FAH: variants seen among roughly 807,000 people sequenced by gnomAD.
FAH encodes the protein fumarylacetoacetase.
In FAH, 47 loss-of-function variants were observed where a neutral mutation model predicts 55.8. The observed-to-expected ratio is 0.84, with a 90% confidence interval of 0.67 to 1.07. The LOEUF is 1.07. Among genes scored for constraint, FAH ranks in the 50% least tolerant of loss-of-function variants. The pLI is 0.00. For missense variants in FAH, 495 were observed against 545.9 expected, an observed-to-expected ratio of 0.91 and a Z score of 0.93; for synonymous variants, 199 against 207.7, an observed-to-expected ratio of 0.96 and a Z score of 0.36.
intron 2 of FAH, 75 bp downstream of exon 2, chr15:80,158,245 G>A (rs992165721): frequency 9.7e-7 from 1 of 1,030,102 alleles, no homozygotes; most frequent in African/African-American, 1.6e-5. Flanking sequence ...AATGCTCCTT[G>A]CGTTCCATTT....
chr15:80,177,402 G>C (rs944328989), intron 10 of FAH, 135 bp from the exon 11 acceptor site: 3 of 821,146 alleles, frequency 3.7e-6, no homozygotes, highest in African/African-American at 3.4e-5. Flanking sequence ...TGTCCTAGGA[G>C]CTAATTGTTT....
At chr15:80,153,273 C>T in intron 1 of FAH, 138 bp downstream of exon 1, 2 of 738,000 alleles carry the variant, frequency 2.7e-6, no homozygotes, top group Non-Finnish European at 4.7e-6. Context: ...AAGATTCGTT[C>T]CGTGAGAGTG....
Position 80,158,095 on chromosome 15 carries a change from G to C in FAH, c.117G>C (p.Gln39His), listed in dbSNP as rs2041114791. The C allele has an allele frequency of 6.2e-7, 1 of 1,614,066 alleles. No homozygotes were observed. The highest frequency in any genetic ancestry group is 8.5e-7 in the Non-Finnish European group (1 of 1,180,030). ...GGATAGGTGTGGCCATTGGCGACCA[G>C]ATCCTGGACCTCAGCATCATCAAGC... ...RPRIGVAIGD[Q>H]ILDLSIIKHL... The change falls in exon 2 of 14, where the codon CAG (glutamine) becomes CAC (histidine). Residue 39 changes from glutamine to histidine, a missense_variant. Physicochemically the swap from Gln to His is conservative, Grantham distance 24. Coordinates refer to ENST00000561421, the MANE Select transcript of FAH (RefSeq NM_000137.4).
intron 1 of FAH, among the ~76,000 whole-genome samples, chr15:80,154,738 A>T (rs2041083700): frequency 6.6e-6 from 1 of 152,252 alleles, no homozygotes; most frequent in Admixed American, 6.5e-5. Flanking sequence ...GCGAATGCTT[A>T]TGAACCCCAA....
chr15:80,166,491 C>T (rs1233533026), intron 5 of FAH: 1 of 151,914 alleles, frequency 6.6e-6, no homozygotes, highest in Non-Finnish European at 1.5e-5. Flanking sequence ...TATATACAGT[C>T]ATTTCTCTAT....
At chr15:80,158,989 G>C (rs183162414) in intron 2 of FAH, among the ~76,000 whole-genome samples, 1 of 152,076 alleles carries the variant, frequency 6.6e-6, no homozygotes, top group African/African-American at 2.4e-5. Flanking sequence ...TGTAACCCCA[G>C]CACTTTGGGA....
rs761078986 is a variant in FAH, at chr15:80,153,042, G to A, written c.-13G>A. On this transcript the variant is annotated 5_prime_UTR_variant, in exon 1 of 14. Transcript: ENST00000561421. The stretch of plus-strand genomic sequence containing the variant: ...CCACCTTAGGCCCGCAGCCGTGCCG[G>A]GTGCTCTTCAGCATGTCCTTCATCC... 1.2e-6 allele frequency: 2 copies of A among 1,612,082 alleles called. No individual in the cohort carries two copies. Among genetic ancestry groups the A allele is most frequent in the Non-Finnish European group, 1.7e-6 (2 of 1,179,438 alleles).
intron 5 of FAH, chr15:80,166,030 A>G (rs2142096406): frequency 6.6e-6 from 1 of 152,370 alleles, no homozygotes; most frequent in African/African-American, 2.4e-5. Context: ...ACTTAAGGGT[A>G]AACAATGAAA....
At chr15:80,186,056 A>G (rs898084940) in intron 13 of FAH, 74 bp from the exon 14 acceptor site, 35 of 1,193,440 alleles carry the variant, frequency 2.9e-5, no homozygotes, top group Admixed American at 5.0e-5. Context: ...GCTGACGGGC[A>G]CTGCCGCTGC....
chr15:80,162,121 G>T, intron 4 of FAH, 125 bp from the exon 5 acceptor site: 1 of 785,998 alleles, frequency 1.3e-6, no homozygotes, highest in East Asian at 2.4e-5. Flanking sequence ...ATTGCTGGCT[G>T]CAGGCTGAGC....
At chr15:80,170,408 CCT>C (rs1378860413) in intron 7 of FAH, among the ~76,000 whole-genome samples, 1 of 152,152 alleles carries the variant, frequency 6.6e-6, no homozygotes, top group African/African-American at 2.4e-5. Flanking sequence ...TCTGGAGCTC[CCT>C]GTCTCTCCTG....
chr15:80,155,862 TATAAGAAAGATCAAAGACTTTAAG>T (rs1200754631), intron 1 of FAH: 1 of 467,290 alleles, frequency 2.1e-6, no homozygotes, highest in Non-Finnish European at 4.3e-6. Flanking sequence ...TCTATGCACT[TATAAGAAAGATCAAAGACTTTAAG>T]ACTTTCGCTA....
chr15:80,182,295 T>C (rs1027057091), intron 13 of FAH, among the ~76,000 whole-genome samples: 7 of 152,178 alleles, frequency 4.6e-5, no homozygotes, highest in Admixed American at 3.9e-4. Context: ...CCAGAAAATT[T>C]ACTATATAAG....
chr15:80,175,162 G>C, intron 10 of FAH, 71 bp downstream of exon 10: 1 of 1,429,638 alleles, frequency 7.0e-7, no homozygotes, highest in Non-Finnish European at 9.9e-7. Context: ...TGTCCTGAAG[G>C]CTCCTGAGCT....
chr15:80,159,242 CT>C (rs1197770042), intron 2 of FAH, among the ~76,000 whole-genome samples: 48 of 146,136 alleles, frequency 3.3e-4, no homozygotes, highest in Admixed American at 1.6e-3. Context: ...AAAAAAACAA[CT>C]TTTTTTTTTT....
intron 1 of FAH, among the ~76,000 whole-genome samples, chr15:80,154,875 C>T (rs776799947): frequency 1.4e-4 from 22 of 152,148 alleles, no homozygotes; most frequent in Non-Finnish European, 2.2e-4. Context: ...GGGGTGGTGG[C>T]CTCTGAGAAC....
chr15:80,184,280 A>G (rs1866273361), intron 13 of FAH, among the ~76,000 whole-genome samples: 1 of 151,828 alleles, frequency 6.6e-6, no homozygotes, highest in African/African-American at 2.4e-5. Flanking sequence ...TGGAAACAAT[A>G]TCTGAGCAAA....
chr15:80,174,949 T>C, intron 9 of FAH, 67 bp from the exon 10 acceptor site: 4 of 1,383,802 alleles, frequency 2.9e-6, no homozygotes, highest in Non-Finnish European at 4.1e-6. Context: ...CTGGCTGGTA[T>C]GGGGGCCCAG....
rs1252692081 is a variant in FAH at position 80,180,191 on chromosome 15, G to A, written c.1028G>A (p.Gly343Glu). The stretch of plus-strand genomic sequence containing the variant: ...GTCAACGGCTGCAACCTGCGGCCGG[G>A]GGACCTCCTGGCTTCTGGGACCATC... ...HSVNGCNLRP[G>E]DLLASGTISG... is the part of the protein sequence containing the mutation. Residue 343 changes from glycine (G) to glutamate (E), a missense_variant, in exon 12 of 14, where the codon GGG becomes GAG. Coordinates refer to ENST00000561421, the MANE Select transcript of FAH (RefSeq NM_000137.4). 1.9e-6 allele frequency: 3 copies of A among 1,609,304 alleles called. No individual in the cohort carries two copies. The highest frequency in any genetic ancestry group is 1.7e-5 in the Admixed American group (1 of 60,034).
Sources: gnomAD v4.1 joint callset for allele counts (sites outside exome capture counted in the v4.1 genomes callset) on GRCh38, gnomAD v4.1.1 for gene constraint, MANE v1.5 for transcripts, NCBI Gene and HGNC (gene_info 2026-07-23, HGNC 2026-07-21) for gene names.